ERC1: variants seen among roughly 807,000 people sequenced by gnomAD.
ERC1 encodes the protein RAB6 interacting protein 2.
In ERC1, 56 loss-of-function variants were observed where a neutral mutation model predicts 132.0. The ratio of observed to expected loss-of-function variants is 0.42; its 90% CI spans 0.34 to 0.53. The LOEUF is 0.53. Among genes scored for constraint, ERC1 ranks in the 20% least tolerant of loss-of-function variants. The pLI is 0.03. For synonymous variants in ERC1, 478 were observed against 476.1 expected (o/e 1.00, Z -0.05); for missense variants, 1,202 against 1,349.9 (o/e 0.89, Z 1.72).
At chr12:1,384,528 G>A (rs556862741) in intron 16 of ERC1, among the ~76,000 whole-genome samples, 5 of 152,224 alleles carry the variant, frequency 3.3e-5, no homozygotes, top group African/African-American at 9.6e-5. Flanking sequence ...ATAGTGTTTA[G>A]CCACCAGCAT....
At chr12:1,041,750 A>G (rs11835977) in intron 2 of ERC1, among the ~76,000 whole-genome samples, 14,056 of 152,248 alleles carry the variant, frequency 0.092, 998 homozygotes, top group African/African-American at 0.2. Flanking sequence ...ACAGTGAGCA[A>G]TGGGAAAATG....
At chr12:1,131,686 C>T (rs191183151) in intron 7 of ERC1, among the ~76,000 whole-genome samples, 235 of 152,194 alleles carry the variant, frequency 1.5e-3, no homozygotes, top group African/African-American at 5.5e-3. Flanking sequence ...AGGATGGTCT[C>T]GATCTCCTGA....
intron 13 of ERC1, among the ~76,000 whole-genome samples, chr12:1,252,984 G>A (rs976755550): frequency 2.6e-5 from 4 of 152,194 alleles, no homozygotes; most frequent in East Asian, 1.9e-4. Context: ...GTCTCTTTAC[G>A]TTAAGGATAA....
Position 1,205,258 on chromosome 12 carries a change from GC to G in ERC1, c.2351+15208del, listed in dbSNP as rs554725839. 5.9e-5 allele frequency among the ~76,000 whole-genome samples: 9 copies of G among 152,108 alleles called. No homozygotes were observed. The East Asian group carries it at 1.7e-3, about 29-fold the overall frequency. On this transcript the variant is annotated intron_variant, in intron 12 of 18. Transcript: ENST00000360905. ...AAAAAGTTACTTATTTTGCATATGA[GC>G]CATGACAATATAAAGTGTGAGGATT...
chr12:1,130,295 G>A (rs1044272959), intron 7 of ERC1, among the ~76,000 whole-genome samples: 4 of 152,148 alleles, frequency 2.6e-5, no homozygotes, highest in African/African-American at 9.7e-5. Context: ...GCCCAGGAGG[G>A]TTTTCACATA....
chr12:1,338,981 A>G (rs2083550942), intron 15 of ERC1, among the ~76,000 whole-genome samples: 1 of 152,232 alleles, frequency 6.6e-6, no homozygotes, highest in Admixed American at 6.5e-5. Flanking sequence ...GGTGTCTGCC[A>G]AAGTGCTTCA....
chr12:1,399,847 C>A (rs2090868718), intron 16 of ERC1, among the ~76,000 whole-genome samples: 1 of 152,160 alleles, frequency 6.6e-6, no homozygotes, highest in Non-Finnish European at 1.5e-5. Flanking sequence ...ATGCCGTGAA[C>A]ATTTGTGGGT....
chr12:1,404,919 A>G (rs751268994), intron 16 of ERC1, among the ~76,000 whole-genome samples: 1 of 152,058 alleles, frequency 6.6e-6, no homozygotes, highest in Non-Finnish European at 1.5e-5. Flanking sequence ...CAGGCTGATC[A>G]CTTGGGGTCA....
At chr12:1,464,867 G>A (rs2093713864) in intron 18 of ERC1, among the ~76,000 whole-genome samples, 1 of 151,642 alleles carries the variant, frequency 6.6e-6, no homozygotes, top group Non-Finnish European at 1.5e-5. Flanking sequence ...CCTCACACTG[G>A]ACTCTTTAAA....
At chr12:1,273,827 CTAGT>C (rs1342911726) in intron 14 of ERC1, among the ~76,000 whole-genome samples, 5 of 152,094 alleles carry the variant, frequency 3.3e-5, no homozygotes, top group Non-Finnish European at 7.4e-5. Context: ...TTAGTAGATA[CTAGT>C]TAGTTTTTCC....
intron 14 of ERC1, among the ~76,000 whole-genome samples, chr12:1,263,941 C>T (rs771453237): frequency 7.2e-5 from 11 of 151,866 alleles, no homozygotes; most frequent in African/African-American, 2.4e-4. Context: ...CCACCTGCCC[C>T]GGCTTCCCAA....
At chr12:1,150,243 A>T (rs1289934042) in intron 8 of ERC1, among the ~76,000 whole-genome samples, 2 of 152,216 alleles carry the variant, frequency 1.3e-5, no homozygotes, top group Non-Finnish European at 2.9e-5. Flanking sequence ...ATAGTTTACT[A>T]CTGAACCCTG....
chr12:1,028,225 G>T lies in ERC1; in HGVS notation c.322G>T (p.Gly108Cys). 1 of 1,614,070 alleles carries T rather than the reference G, an allele frequency of 6.2e-7. No individual in the cohort carries two copies. The highest frequency in any genetic ancestry group is 8.5e-7 in the Non-Finnish European group (1 of 1,180,016). ...LPYGVRMTAM[G>C]SSPNIASSGV... ...TTACGGTGTTCGGATGACTGCTATG[G>T]GTAGTAGCCCCAATATAGCTAGCAG... The change falls in exon 2 of 19, where the codon GGT becomes TGT. Residue 108 changes from glycine (G) to cysteine (C), a missense_variant. Coordinates refer to ENST00000360905, the MANE Select transcript of ERC1 (RefSeq NM_178040.4).
chr12:1,145,102 C>T (rs1050844704), intron 8 of ERC1, among the ~76,000 whole-genome samples: 3 of 152,040 alleles, frequency 2.0e-5, no homozygotes, highest in Non-Finnish European at 2.9e-5. Context: ...CTGCAACCTC[C>T]GTCTCCCGGG....
intron 18 of ERC1, among the ~76,000 whole-genome samples, chr12:1,448,034 G>C (rs2093346136): frequency 6.6e-6 from 1 of 151,774 alleles, no homozygotes; most frequent in Non-Finnish European, 1.5e-5. Flanking sequence ...GTCTTACCAA[G>C]GGGAAAAAAA....
chr12:1,336,685 GT>G (rs1176708723), intron 15 of ERC1, among the ~76,000 whole-genome samples: 8 of 152,142 alleles, frequency 5.3e-5, no homozygotes, highest in African/African-American at 1.9e-4. Flanking sequence ...CAGTTTTAGA[GT>G]ATGTGCCATG....
intron 1 of ERC1, among the ~76,000 whole-genome samples, chr12:992,912 C>CT (rs1472908044): frequency 6.6e-6 from 1 of 152,204 alleles, no homozygotes; most frequent in Non-Finnish European, 1.5e-5. Flanking sequence ...GTGACTTTCC[C>CT]AAGGCTTGCC....
intron 14 of ERC1, among the ~76,000 whole-genome samples, chr12:1,265,485 G>A (rs1212218393): frequency 1.3e-5 from 2 of 152,120 alleles, no homozygotes; most frequent in African/African-American, 2.4e-5. Context: ...TTCCATTTAC[G>A]CCTTTCTCTG....
intron 13 of ERC1, among the ~76,000 whole-genome samples, chr12:1,237,459 C>G (rs2075495075): frequency 6.6e-6 from 1 of 152,132 alleles, no homozygotes; most frequent in Admixed American, 6.6e-5. Flanking sequence ...TAATTATTCA[C>G]AGATTAATTA....
Sources: gnomAD v4.1 joint callset for allele counts (sites outside exome capture counted in the v4.1 genomes callset) on GRCh38, gnomAD v4.1.1 for gene constraint, MANE v1.5 for transcripts, NCBI Gene and HGNC (gene_info 2026-07-23, HGNC 2026-07-21) for gene names.